Variants in TRPC5OS observed in about 807,000 individuals in gnomAD.
TRPC5OS encodes putative uncharacterized protein TRPC5OS.
For missense variants in TRPC5OS, 64 were observed against 79.3 expected, an observed-to-expected ratio of 0.81 and a Z score of 0.73; for synonymous variants, 30 against 29.3, an observed-to-expected ratio of 1.02 and a Z score of -0.08.
At chrX:111,885,558 A>T (rs761060525) in intron 1 of TRPC5OS, among the ~76,000 whole-genome samples, 1,957 of 105,892 alleles carry the variant, frequency 0.018, 44 homozygotes, top group African/African-American at 0.064. Context: ...TTTTTTTTTT[A>T]AAAAAAGAAA....
intron 1 of TRPC5OS, among the ~76,000 whole-genome samples, chrX:111,883,956 T>C (rs1283710801): frequency 8.9e-6 from 1 of 112,626 alleles, no homozygotes; most frequent in Non-Finnish European, 1.9e-5. Context: ...CCTAGTTAAG[T>C]GTGAGTCAAA....
chrX:111,877,180 A>G (rs779482003), intron 1 of TRPC5OS, among the ~76,000 whole-genome samples: 2 of 111,755 alleles, frequency 1.8e-5, no homozygotes, highest in Non-Finnish European at 3.8e-5. Flanking sequence ...AAAGACCTGA[A>G]TTAGAGCAGT....
In TRPC5OS at chrX:111,895,976, G is replaced by A. The variant is rs1925041458; in HGVS notation, c.-520G>A. 9.0e-6 allele frequency: 1 copy of A among 111,052 alleles called. No individual in the cohort carries two copies. Among genetic ancestry groups the A allele is most frequent in the Admixed American group, 9.6e-5 (1 of 10,427 alleles). The allele number at this position is 111,052 out of a possible 1,213,427, so 9.2% of individuals were successfully genotyped here. The stretch of plus-strand genomic sequence containing the variant: ...GTAACCTTTTAAGGTGGAGACCGGT[G>A]GCCTGTTTGGGGCAGTTCCCCTCTA... On this transcript the variant is annotated 5_prime_UTR_variant, in exon 2 of 4. Coordinates refer to ENST00000635763, the MANE Select transcript of TRPC5OS (RefSeq NM_001195578.2).
At chrX:111,899,517 T>C (rs1192500228) in intron 3 of TRPC5OS, among the ~76,000 whole-genome samples, 1 of 110,992 alleles carries the variant, frequency 9.0e-6, no homozygotes, top group Non-Finnish European at 1.9e-5. Context: ...TGGAAGCATA[T>C]TGATCAAGAG....
chrX:111,896,201 G>A (rs1258816925), intron 2 of TRPC5OS, 105 bp downstream of exon 2: 5 of 111,111 alleles, frequency 4.5e-5, no homozygotes, highest in African/African-American at 1.3e-4. Context: ...TTCCTCAGGA[G>A]AGTCCTTCTG....
chrX:111,892,549 C>T (rs1161617501), intron 1 of TRPC5OS, among the ~76,000 whole-genome samples: 1 of 111,645 alleles, frequency 9.0e-6, no homozygotes, highest in Non-Finnish European at 1.9e-5. Context: ...TGCAGCCCCA[C>T]CAGAGCTCAA....
chrX:111,877,841 G>A (rs1924026657), intron 1 of TRPC5OS, among the ~76,000 whole-genome samples: 1 of 111,456 alleles, frequency 9.0e-6, no homozygotes, highest in Admixed American at 9.6e-5. Context: ...GCTGAGCCAC[G>A]AGAGGTCAAA....
In TRPC5OS at chrX:111,887,231, G is replaced by T. The variant is rs190953980; in HGVS notation, c.-545-8720G>T. Among the ~76,000 whole-genome samples the T allele has an allele frequency of 3.4e-3, 383 of 112,749 alleles. 2 individuals are homozygous for T. Among genetic ancestry groups the T allele is most frequent in the African/African-American group, 0.012 (376 of 31,090 alleles). ...GTGGGTAATGCCAGAGGAAGGCAGA[G>T]CTAGTTAGGAAGAAACAAATAATTT... On this transcript the variant is annotated intron_variant, in intron 1 of 3. Transcript: ENST00000635763.
chrX:111,877,031 G>A (rs1246811704), intron 1 of TRPC5OS, among the ~76,000 whole-genome samples: 2 of 111,557 alleles, frequency 1.8e-5, no homozygotes, highest in African/African-American at 3.3e-5. Context: ...ATCTATGGAT[G>A]ATCACATTTG....
intron 1 of TRPC5OS, among the ~76,000 whole-genome samples, chrX:111,886,682 C>G (rs913446350): frequency 2.7e-5 from 3 of 111,706 alleles, no homozygotes; most frequent in Non-Finnish European, 5.6e-5. Context: ...TAATGACATT[C>G]TGGAGGCCAA....
intron 1 of TRPC5OS, among the ~76,000 whole-genome samples, chrX:111,877,005 T>C (rs933900366): frequency 8.9e-6 from 1 of 111,808 alleles, no homozygotes; most frequent in Non-Finnish European, 1.9e-5. Flanking sequence ...ACTTCAATAT[T>C]GATTAGAAAA....
chrX:111,903,627 G>A lies in TRPC5OS; in HGVS notation c.*1442G>A, dbSNP rs1426998955. ...TCTCCTCCAGGAGAATGGAGTGAGTGGCTGATCCTTTATGCAAATTAGCCC... is the reference window on the plus strand; with the variant it reads ...TCTCCTCCAGGAGAATGGAGTGAGTAGCTGATCCTTTATGCAAATTAGCCC... On this transcript the variant is annotated 3_prime_UTR_variant, in exon 4 of 4. Coordinates refer to ENST00000635763, the MANE Select transcript of TRPC5OS (RefSeq NM_001195578.2). 3.6e-5 allele frequency: 4 copies of A among 112,111 alleles called. No homozygotes were observed. The highest frequency in any genetic ancestry group is 6.5e-5 in the African/African-American group (2 of 30,826). 9.2% of individuals were successfully genotyped at this position (112,111 alleles called of 1,213,427 possible). A position where few individuals can be genotyped will look rare whatever the true frequency, so the allele number is the denominator to read the frequency against.
chrX:111,901,059 G>A (rs1273194203), intron 3 of TRPC5OS, among the ~76,000 whole-genome samples: 8 of 111,256 alleles, frequency 7.2e-5, no homozygotes, highest in Admixed American at 3.8e-4. Flanking sequence ...AATTATCAAG[G>A]AACTAGTTTT....
Position 111,877,121 on chromosome X carries a change from G to A in TRPC5OS, c.-546+848G>A, listed in dbSNP as rs1450018225. On this transcript the variant is annotated intron_variant, in intron 1 of 3. Transcript: ENST00000635763. ...GGAGTAGGGTGATAGCATGGCTGGAGGCAGGTGGACTGATTGAGTCTACTG... is the reference window on the plus strand; with the variant it reads ...GGAGTAGGGTGATAGCATGGCTGGAAGCAGGTGGACTGATTGAGTCTACTG... 5.5e-4 allele frequency among the ~76,000 whole-genome samples: 62 copies of A among 111,837 alleles called. 1 individual carries two copies. In the Admixed American group the frequency reaches 5.9e-3, roughly 11 times the overall value.
chrX:111,900,369 A>G (rs1925278891), intron 3 of TRPC5OS, among the ~76,000 whole-genome samples: 1 of 111,849 alleles, frequency 8.9e-6, no homozygotes, highest in African/African-American at 3.2e-5. Flanking sequence ...GAAATTTAAC[A>G]TGTAGATATA....
intron 1 of TRPC5OS, among the ~76,000 whole-genome samples, chrX:111,884,994 G>T (rs1219657132): frequency 6.2e-5 from 7 of 112,630 alleles, no homozygotes; most frequent in African/African-American, 2.3e-4. Flanking sequence ...CCCAGTTAAG[G>T]CCTATCCAGG....
intron 1 of TRPC5OS, among the ~76,000 whole-genome samples, chrX:111,879,285 G>A (rs983430990): frequency 3.6e-5 from 4 of 112,080 alleles, no homozygotes; most frequent in Non-Finnish European, 7.5e-5. Flanking sequence ...CTCAGGAGAC[G>A]TTGACTCTCG....
chrX:111,891,632 C>T (rs1020616338), intron 1 of TRPC5OS, among the ~76,000 whole-genome samples: 4 of 111,587 alleles, frequency 3.6e-5, no homozygotes, highest in African/African-American at 1.3e-4. Flanking sequence ...CCTCCGCCTC[C>T]CGGGTTCAAG....
chrX:111,896,389 T>G lies in TRPC5OS; in HGVS notation c.-399-18T>G, dbSNP rs1419158394. On this transcript the variant is annotated intron_variant, in intron 2 of 3. Transcript: ENST00000635763. The stretch of plus-strand genomic sequence containing the variant: ...TTTTTTTTGGTGGGGGCGGGTGTGG[T>G]TTTTTTTGTTGTTGCAGGAGCGTTC... The G allele has an allele frequency of 1.1e-4, 12 of 108,993 alleles. No individual in the cohort carries two copies. In the East Asian group the frequency reaches 3.5e-3, roughly 32 times the overall value. The allele number at this position is 108,993 out of a possible 1,213,427, so 9.0% of individuals were successfully genotyped here.
Sources: allele counts gnomAD v4.1 joint callset (sites outside exome capture counted in the v4.1 genomes callset), GRCh38; gene constraint gnomAD v4.1.1; transcripts MANE v1.5; gene names NCBI Gene and HGNC (gene_info 2026-07-23, HGNC 2026-07-21).